The following VWA3B variants were observed in gnomAD, a reference collection of about 807,000 sequenced individuals.
VWA3B encodes the protein von Willebrand factor A domain-containing protein 3B.
In VWA3B, 138 loss-of-function variants were observed where a neutral mutation model predicts 158.3. That is an observed-to-expected ratio of 0.87 (90% CI 0.76 to 1.00). The LOEUF (loss-of-function observed/expected upper bound fraction) is 1.00. Among genes scored for constraint, VWA3B ranks in the 50% least tolerant of loss-of-function variants. The probability of loss-of-function intolerance (pLI) is 0.00; values close to 1 mark genes in which losing one functional copy is unlikely to be tolerated. For synonymous variants in VWA3B, 596 were observed against 587.3 expected (o/e 1.01, Z -0.21); for missense variants, 1,555 against 1,565.1 (o/e 0.99, Z 0.11).
intron 14 of VWA3B, among the ~76,000 whole-genome samples, chr2:98,220,957 C>T (rs575043607): frequency 1.3e-5 from 2 of 152,176 alleles, no homozygotes; most frequent in East Asian, 1.9e-4. Flanking sequence ...ACATCACACA[C>T]CTGGGGCCTG....
At position 98,181,077 on chromosome 2, in the gene VWA3B, A is replaced by G. The variant is rs771455827; in HGVS notation, c.1176A>G (p.Thr392=). ...SNPEDTWDSK[T]WLQKYGLKAQ... ...CAGAAGACACCTGGGACTCTAAGAC[A>G]TGGCTGCAGAAATATGGCTTGAAGG... is the stretch of plus-strand genomic sequence containing the variant. The change falls in exon 9 of 28, where the codon ACA becomes ACG. Residue 392 remains threonine, a synonymous_variant. Transcript: ENST00000477737. 5 of 1,614,236 alleles carry G rather than the reference A, an allele frequency of 3.1e-6. No individual in the cohort carries two copies. The highest frequency in any genetic ancestry group is 4.2e-6 in the Non-Finnish European group (5 of 1,180,036).
chr2:98,237,090 C>T (rs1017308176), intron 19 of VWA3B, among the ~76,000 whole-genome samples: 14 of 152,352 alleles, frequency 9.2e-5, no homozygotes, highest in South Asian at 8.3e-4. Flanking sequence ...GTGGGAGAAT[C>T]GCTTGAGCCT....
chr2:98,163,257 G>C (rs1250892950), intron 8 of VWA3B, among the ~76,000 whole-genome samples: 1 of 152,136 alleles, frequency 6.6e-6, no homozygotes, highest in Non-Finnish European at 1.5e-5. Context: ...ACAGATGCTT[G>C]GGCCGGGCGC....
At chr2:98,328,331 T>C in the VWA3B span, among the ~76,000 whole-genome samples, 1 of 152,066 alleles carries the variant, frequency 6.6e-6, no homozygotes, top group Non-Finnish European at 1.5e-5. Flanking sequence ...TGTTAAACAT[T>C]GTACTGAGCA....
chr2:98,225,125 G>T (rs1483846241), intron 14 of VWA3B, among the ~76,000 whole-genome samples: 1 of 152,214 alleles, frequency 6.6e-6, no homozygotes, highest in East Asian at 1.9e-4. Flanking sequence ...ATAGAGACGG[G>T]GTTTCCCCAT....
chr2:98,230,873 A>C (rs999975377), intron 16 of VWA3B, among the ~76,000 whole-genome samples: 1 of 152,206 alleles, frequency 6.6e-6, no homozygotes, highest in African/African-American at 2.4e-5. Flanking sequence ...CTATTTGCAG[A>C]TATTGTATTG....
rs578097469 is a variant in VWA3B, at chr2:98,157,780, G to A, written c.989-5071G>A. On this transcript the variant is annotated intron_variant, in intron 7 of 27. Transcript: ENST00000477737. ...CCGGAGAGTCCTGGGGTTGGGCAGGGCCACAAACAATGAGCCACAGTAGGA... is the reference window on the plus strand; with the variant it reads ...CCGGAGAGTCCTGGGGTTGGGCAGGACCACAAACAATGAGCCACAGTAGGA... Among the ~76,000 whole-genome samples, 9 of 152,266 alleles carry A rather than the reference G, an allele frequency of 5.9e-5. No individual in the cohort carries two copies. The South Asian group carries it at 1.2e-3, about 21-fold the overall frequency.
chr2:98,222,449 C>T (rs1327105613), intron 14 of VWA3B, among the ~76,000 whole-genome samples: 1 of 152,184 alleles, frequency 6.6e-6, no homozygotes, highest in Non-Finnish European at 1.5e-5. Context: ...GCCAGTGGCC[C>T]ATCTGGGAAG....
intron 21 of VWA3B, among the ~76,000 whole-genome samples, chr2:98,262,436 G>A (rs1215218584): frequency 6.6e-6 from 1 of 151,714 alleles, no homozygotes; most frequent in African/African-American, 2.4e-5. Flanking sequence ...GTTTGAGTTA[G>A]TTTTTATATA....
chr2:98,309,461 G>C (rs1397989192), intron 26 of VWA3B, among the ~76,000 whole-genome samples: 1 of 152,156 alleles, frequency 6.6e-6, no homozygotes, highest in Non-Finnish European at 1.5e-5. Flanking sequence ...GGGTTTGTCT[G>C]GGTCTCTGGT....
chr2:98,183,189 C>CTTTTTTTTTTTT (rs1244544813), intron 9 of VWA3B, among the ~76,000 whole-genome samples: 2 of 124,598 alleles, frequency 1.6e-5, no homozygotes, highest in African/African-American at 6.2e-5. Flanking sequence ...GTACAGCTCC[C>CTTTTTTTTTTTT]TTTTTTTTTT....
At chr2:98,285,604 A>T (rs1013560836) in intron 22 of VWA3B, among the ~76,000 whole-genome samples, 1 of 151,936 alleles carries the variant, frequency 6.6e-6, no homozygotes, top group South Asian at 2.1e-4. Context: ...ACTAATCCAT[A>T]TCACTATCCT....
rs576267815 is a variant in VWA3B, at chr2:98,134,386, A to G, written c.988+447A>G. Among the ~76,000 whole-genome samples the G allele has an allele frequency of 7.2e-5, 11 of 152,342 alleles. No individual in the cohort carries two copies. In the East Asian group the frequency reaches 1.7e-3, roughly 24 times the overall value. On this transcript the variant is annotated intron_variant, in intron 7 of 27. Transcript: ENST00000477737. The stretch of plus-strand genomic sequence containing the variant: ...CCCCTTGTGAGGGCGGAGGCCGCAC[A>G]GGAACCTTTACGGAGGCGGAATGAA...
chr2:98,128,319 C>A lies in VWA3B; in HGVS notation c.783C>A (p.Ile261=). 1 of 1,614,116 alleles carries A rather than the reference C, an allele frequency of 6.2e-7. No homozygotes were observed. The highest frequency in any genetic ancestry group is 8.5e-7 in the Non-Finnish European group (1 of 1,180,018). Residue 261 remains isoleucine, a synonymous_variant, in exon 6 of 28, where the codon ATC becomes ATA. Transcript: ENST00000477737. ...KELLLQRALE[I]PCPVYTVSFN... Reference sequence around the variant, plus strand: ...TTCTCCTCCAGAGGGCCTTGGAGATCCCGTGTCCAGTCTACACAGTGTCCT... The same window carrying A: ...TTCTCCTCCAGAGGGCCTTGGAGATACCGTGTCCAGTCTACACAGTGTCCT...
At chr2:98,164,022 A>G (rs766839657) in intron 8 of VWA3B, among the ~76,000 whole-genome samples, 1 of 152,144 alleles carries the variant, frequency 6.6e-6, no homozygotes, top group African/African-American at 2.4e-5. Flanking sequence ...TCTTCCAGGG[A>G]GGAGGAGCAG....
intron 20 of VWA3B, among the ~76,000 whole-genome samples, chr2:98,253,348 C>T (rs182115874): frequency 9.2e-5 from 14 of 152,258 alleles, no homozygotes; most frequent in South Asian, 4.1e-4. Context: ...ATGGAAAGCT[C>T]ACAGTCCTTT....
chr2:98,260,405 TA>T (rs1336895364), intron 21 of VWA3B, among the ~76,000 whole-genome samples: 1 of 151,098 alleles, frequency 6.6e-6, no homozygotes, highest in Admixed American at 6.6e-5. Flanking sequence ...TAAAAAATAT[TA>T]AAAAAAAGAA....
chr2:98,195,295 G>T (rs547993991), intron 12 of VWA3B, among the ~76,000 whole-genome samples: 3 of 152,282 alleles, frequency 2.0e-5, no homozygotes, highest in Admixed American at 6.5e-5. Context: ...TCTTAAAAAG[G>T]CAAATATGTA....
At chr2:98,314,182 A>T (rs1323546431), downstream of VWA3B, among the ~76,000 whole-genome samples, 2 of 152,160 alleles carry the variant, frequency 1.3e-5, no homozygotes, top group Non-Finnish European at 2.9e-5. Context: ...AGCTGAGGAG[A>T]TGGAAATGGA....
Sources: gnomAD v4.1 joint callset for allele counts (sites outside exome capture counted in the v4.1 genomes callset) on GRCh38, gnomAD v4.1.1 for gene constraint, MANE v1.5 for transcripts, NCBI Gene and HGNC (gene_info 2026-07-23, HGNC 2026-07-21) for gene names.